KANK4: variants seen among roughly 807,000 people sequenced by gnomAD.
KANK4 encodes KN motif and ankyrin repeat domain-containing protein 4.
In KANK4, 50 loss-of-function variants were observed where a neutral mutation model predicts 80.8. That is an observed-to-expected ratio of 0.62 (90% CI 0.49 to 0.78). The LOEUF (loss-of-function observed/expected upper bound fraction) is 0.78, where lower values mean the gene tolerates loss of function less well. KANK4 is among the 30% of genes least tolerant of loss of function. The pLI is 0.00. For synonymous variants in KANK4, 465 were observed against 506.9 expected (o/e 0.92, Z 1.11); for missense variants, 1,196 against 1,240.1 (o/e 0.96, Z 0.53).
At chr1:62,247,791 T>G in intron 8 of KANK4, 119 bp from the exon 9 acceptor site, 3 of 815,956 alleles carry the variant, frequency 3.7e-6, no homozygotes, top group South Asian at 1.6e-5. Flanking sequence ...TTGAATCTCC[T>G]GCCCTTGATA....
chr1:62,266,095 C>G (rs933679388), intron 6 of KANK4, among the ~76,000 whole-genome samples: 1 of 152,198 alleles, frequency 6.6e-6, no homozygotes, highest in Non-Finnish European at 1.5e-5. Flanking sequence ...ACCACAGGGC[C>G]ATCGTGAGCC....
Position 62,273,999 on chromosome 1 carries a change from C to A in KANK4, c.1105G>T (p.Ala369Ser), listed in dbSNP as rs768599938. ...RTEELAQVRT[A>S]LQQQEEEIKA... ...ATTTCCTCTTCCTGCTGCTGGAGAG[C>A]AGTTCTGACCTGTGCCAGTTCCTCG... Residue 369 changes from alanine (A) to serine (S), a missense_variant, in exon 3 of 10, where the codon GCT (alanine) becomes TCT (serine). Transcript: ENST00000371153. 1 of 1,614,206 alleles carries A rather than the reference C, an allele frequency of 6.2e-7. No individual in the cohort carries two copies. Among genetic ancestry groups the A allele is most frequent in the African/African-American group, 1.3e-5 (1 of 75,056 alleles).
chr1:62,286,723 T>C (rs1416775300), intron 1 of KANK4, among the ~76,000 whole-genome samples: 1 of 152,184 alleles, frequency 6.6e-6, no homozygotes, highest in East Asian at 1.9e-4. Context: ...CATCACTTTC[T>C]TCCTGGCTCC....
chr1:62,259,415 C>T (rs1671825916), intron 7 of KANK4, among the ~76,000 whole-genome samples: 1 of 152,050 alleles, frequency 6.6e-6, no homozygotes, highest in Non-Finnish European at 1.5e-5. Context: ...TAGCTGGGAC[C>T]ACAGGCGTGT....
chr1:62,239,749 G>T (rs61775739), intron 9 of KANK4, among the ~76,000 whole-genome samples: 11,650 of 152,174 alleles, frequency 0.077, 521 homozygotes, highest in African/African-American at 0.11. Context: ...CCACCTATGA[G>T]TGAGAACATG....
At chr1:62,275,867 A>C (rs1672299835) in intron 2 of KANK4, among the ~76,000 whole-genome samples, 1 of 54,678 alleles carries the variant, frequency 1.8e-5, no homozygotes, top group East Asian at 3.3e-4. Flanking sequence ...GGAGGAAGGA[A>C]GGGAGGAAGG....
At chr1:62,282,859 T>G (rs1672481025) in intron 1 of KANK4, among the ~76,000 whole-genome samples, 1 of 152,196 alleles carries the variant, frequency 6.6e-6, no homozygotes, top group Non-Finnish European at 1.5e-5. Context: ...ACTGAGTACC[T>G]TGCTTACCTC....
chr1:62,286,829 G>A (rs545724635), intron 1 of KANK4, among the ~76,000 whole-genome samples: 2 of 152,204 alleles, frequency 1.3e-5, no homozygotes, highest in East Asian at 1.9e-4. Flanking sequence ...GGGCAGAGCC[G>A]AGACAGGAAC....
In KANK4 at chr1:62,271,604, C is replaced by T. The variant is rs1375729416; in HGVS notation, c.1901-15G>A. ...TGGGGAGATCTCTAGGCAGACACAA[C>T]ATCACAGGTTAGAATGATCTTGGGG... On this transcript the variant is annotated splice_polypyrimidine_tract_variant and intron_variant, in intron 3 of 9. Transcript: ENST00000371153. 4 of 1,562,040 alleles carry T rather than the reference C, an allele frequency of 2.6e-6. No individual in the cohort carries two copies. The highest frequency in any genetic ancestry group is 3.5e-6 in the Non-Finnish European group (4 of 1,132,892).
chr1:62,287,374 G>C (rs2149157879), intron 1 of KANK4, among the ~76,000 whole-genome samples: 1 of 152,318 alleles, frequency 6.6e-6, no homozygotes, highest in South Asian at 2.1e-4. Context: ...AAGCCTCACA[G>C]TAAGACACAT....
chr1:62,280,613 A>T (rs1244660797), intron 2 of KANK4, among the ~76,000 whole-genome samples: 1 of 152,198 alleles, frequency 6.6e-6, no homozygotes, highest in African/African-American at 2.4e-5. Flanking sequence ...TCTAGAAAAA[A>T]ACATTTCATT....
chr1:62,242,767 C>T lies in KANK4; in HGVS notation c.2884-4386G>A, dbSNP rs1671374929. 1.3e-5 allele frequency among the ~76,000 whole-genome samples: 2 copies of T among 152,220 alleles called. 1 individual carries two copies. Among genetic ancestry groups the T allele is most frequent in the African/African-American group, 4.8e-5 (2 of 41,452 alleles). On this transcript the variant is annotated intron_variant, in intron 9 of 9. Transcript: ENST00000371153. ...CAAAGACATTCCCAAATGAGCTCTG[C>T]TGCTAACATCTAAGCCTCCATAGGA...
chr1:62,303,909 T>C (rs1644431540), intron 1 of KANK4, among the ~76,000 whole-genome samples: 2 of 152,032 alleles, frequency 1.3e-5, no homozygotes, highest in Admixed American at 6.5e-5. Context: ...GCTCTCATTC[T>C]GTCACCCAGG....
intron 2 of KANK4, among the ~76,000 whole-genome samples, chr1:62,276,834 C>A (rs1357073061): frequency 1.3e-5 from 2 of 151,296 alleles, no homozygotes; most frequent in East Asian, 3.9e-4. Flanking sequence ...TTGGACAATG[C>A]CTCACACATG....
chr1:62,268,643 G>C (rs1672088045), intron 4 of KANK4, 138 bp from the exon 5 acceptor site: 2 of 691,520 alleles, frequency 2.9e-6, no homozygotes, highest in Non-Finnish European at 5.0e-6. Flanking sequence ...CCTGCCGGCA[G>C]GGTGACAGGC....
At chr1:62,299,788 GTAGGA>G (rs1644396692) in intron 1 of KANK4, among the ~76,000 whole-genome samples, 1 of 150,898 alleles carries the variant, frequency 6.6e-6, no homozygotes, top group Non-Finnish European at 1.5e-5. Context: ...AAATTTGTAG[GTAGGA>G]TGTTTTGGAG....
In KANK4 at chr1:62,274,239, G is replaced by T. The variant is rs1447946764; in HGVS notation, c.865C>A (p.Leu289Met). The change falls in exon 3 of 10, where the codon CTG becomes ATG. Residue 289 changes from leucine (L) to methionine (M), a missense_variant. By Grantham distance (15) the Leu-to-Met change is conservative. Around this residue, in one of 3 missense-constraint regions of KANK4, gnomAD observed 1,154 missense variants for 1,179.6 expected, o/e 0.98. Transcript: ENST00000371153. The stretch of plus-strand genomic sequence containing the variant: ...TCATTCTCAGGGATGGGTGATGGCA[G>T]AGGTGGCGGGCTTGGCGTAGGGGAG... Reference protein sequence around the residue: ...PGSPTPSPPPLPSPIPENELL... With the variant: ...PGSPTPSPPPMPSPIPENELL... 5.6e-6 allele frequency: 9 copies of T among 1,614,122 alleles called. No homozygotes were observed. Among genetic ancestry groups the T allele is most frequent in the Non-Finnish European group, 5.9e-6 (7 of 1,179,990 alleles).
At chr1:62,313,885 T>C (rs1198109265) in intron 1 of KANK4, among the ~76,000 whole-genome samples, 2 of 151,982 alleles carry the variant, frequency 1.3e-5, no homozygotes, top group African/African-American at 2.4e-5. Context: ...TTTTTTTAAA[T>C]TTAAACATTG....
At chr1:62,243,561 A>T (rs536923631) in intron 9 of KANK4, among the ~76,000 whole-genome samples, 2 of 151,388 alleles carry the variant, frequency 1.3e-5, no homozygotes, top group South Asian at 4.2e-4. Flanking sequence ...CTGGTCTTGA[A>T]CTCCTGACCT....
Sources: gnomAD v4.1 joint callset for allele counts (sites outside exome capture counted in the v4.1 genomes callset) on GRCh38, gnomAD v4.1.1 for gene constraint, gnomAD v4.1.1 regional missense constraint, MANE v1.5 for transcripts, NCBI Gene and HGNC (gene_info 2026-07-23, HGNC 2026-07-21) for gene names.